The following TAOK3 variants were observed in gnomAD, a reference collection of about 807,000 sequenced individuals.
TAOK3 encodes serine/threonine-protein kinase TAO3.
A neutral mutation model predicts 120.4 loss-of-function variants in TAOK3; 40 were observed. That is an observed-to-expected ratio of 0.33 (90% CI 0.26 to 0.43). The LOEUF (loss-of-function observed/expected upper bound fraction) is 0.43. Among genes scored for constraint, TAOK3 ranks in the 20% least tolerant of loss-of-function variants. The pLI, the probability that TAOK3 is intolerant of heterozygous loss-of-function variation, is 1.00. For synonymous variants in TAOK3, 355 were observed against 387.5 expected (o/e 0.92, Z 0.99); for missense variants, 821 against 1,112.1 (o/e 0.74, Z 3.72).
At chr12:118,166,827 T>TATACACACACACACACACATACACAC (rs774334586) in intron 17 of TAOK3, among the ~76,000 whole-genome samples, 6 of 146,620 alleles carry the variant, frequency 4.1e-5, no homozygotes, top group Non-Finnish European at 6.1e-5. Context: ...TATATATATA[T>TATACACACACACACACACATACACAC]ACACACACAC....
At chr12:118,367,529 T>A (rs575742598) in intron 1 of TAOK3, among the ~76,000 whole-genome samples, 1 of 152,288 alleles carries the variant, frequency 6.6e-6, no homozygotes, top group African/African-American at 2.4e-5. Context: ...ATATCACTTA[T>A]GTTTCTTTTA....
rs191058702 is a variant in TAOK3, at chr12:118,318,447, C to T, written c.-193-51688G>A. ...CTGGGATTACAGGTGTGAGCCGCTGCGCCTGGCCACAACTCTTAAATATAG... is the reference window on the plus strand; with the variant it reads ...CTGGGATTACAGGTGTGAGCCGCTGTGCCTGGCCACAACTCTTAAATATAG... On this transcript the variant is annotated intron_variant, in intron 1 of 20. Coordinates refer to ENST00000392533, the MANE Select transcript of TAOK3 (RefSeq NM_016281.4). Among the ~76,000 whole-genome samples, 228 of 152,212 alleles carry T rather than the reference C, an allele frequency of 1.5e-3. 2 individuals carry two copies. Among genetic ancestry groups the T allele is most frequent in the South Asian group, 4.8e-3 (23 of 4,824 alleles).
At position 118,160,964 on chromosome 12, in the gene TAOK3, T is replaced by C. The variant is rs2035181011; in HGVS notation, c.2140-606A>G. Among the ~76,000 whole-genome samples, 1 of 152,246 alleles carries C rather than the reference T, an allele frequency of 6.6e-6. No individual in the cohort carries two copies. The highest frequency in any genetic ancestry group is 6.5e-5 in the Admixed American group (1 of 15,280). ...TTTTTCCCCATTAAGAGGTTGTGCT[T>C]GCATGTAGCAATATAAAATATGCAT... On this transcript the variant is annotated intron_variant, in intron 18 of 20. Coordinates refer to ENST00000392533, the MANE Select transcript of TAOK3 (RefSeq NM_016281.4). This position sits in a 1 kb window ranked among gnomAD's most constrained non-coding sequence, Gnocchi z 4.2.
chr12:118,234,534 G>A (rs1449200112), intron 8 of TAOK3, among the ~76,000 whole-genome samples: 3 of 152,166 alleles, frequency 2.0e-5, no homozygotes, highest in Admixed American at 6.5e-5. Flanking sequence ...GTGAGCCACC[G>A]CGCCTGGAGT....
chr12:118,254,781 G>A (rs138803724), intron 3 of TAOK3, among the ~76,000 whole-genome samples: 171 of 151,784 alleles, frequency 1.1e-3, no homozygotes, highest in Admixed American at 2.6e-3. Flanking sequence ...TTTTTGAGAC[G>A]GAGTCTCACT....
At chr12:118,345,532 T>C (rs983026895) in intron 1 of TAOK3, among the ~76,000 whole-genome samples, 1 of 152,088 alleles carries the variant, frequency 6.6e-6, no homozygotes, top group Non-Finnish European at 1.5e-5. Flanking sequence ...AGCCATGTGT[T>C]TGGGAAGATA....
intron 1 of TAOK3, among the ~76,000 whole-genome samples, chr12:118,268,400 GA>G (rs897572377): frequency 6.6e-6 from 1 of 152,062 alleles, no homozygotes; most frequent in African/African-American, 2.4e-5. Flanking sequence ...GAAAAAACTA[GA>G]AAAAAACTAT....
At chr12:118,251,772 T>C (rs2040762816) in intron 3 of TAOK3, among the ~76,000 whole-genome samples, 1 of 152,146 alleles carries the variant, frequency 6.6e-6, no homozygotes, top group Non-Finnish European at 1.5e-5. Context: ...CAAAGCATGC[T>C]TGGTTTATTG....
intron 12 of TAOK3, 53 bp downstream of exon 12, chr12:118,201,243 T>C (rs1320932110): frequency 4.6e-6 from 7 of 1,535,434 alleles, no homozygotes; most frequent in Non-Finnish European, 6.2e-6. Context: ...AGTCTAGAAC[T>C]TTTTCACATA....
chr12:118,291,583 C>T (rs1377340971), intron 1 of TAOK3, among the ~76,000 whole-genome samples: 1 of 152,072 alleles, frequency 6.6e-6, no homozygotes, highest in Non-Finnish European at 1.5e-5. Context: ...ACTAACCTGA[C>T]CTTTATTCCG....
At chr12:118,234,226 T>TC (rs2039918216) in intron 8 of TAOK3, among the ~76,000 whole-genome samples, 2 of 86,536 alleles carry the variant, frequency 2.3e-5, no homozygotes, top group South Asian at 8.1e-4. Flanking sequence ...TTTTTTTTTT[T>TC]TTTTTTTTTT....
chr12:118,165,659 A>C (rs1389767318), intron 17 of TAOK3, among the ~76,000 whole-genome samples: 1 of 152,210 alleles, frequency 6.6e-6, no homozygotes, highest in Non-Finnish European at 1.5e-5. Context: ...GGCTTGGGGC[A>C]AGTCTCTTAA....
At chr12:118,332,868 A>T (rs911747828) in intron 1 of TAOK3, among the ~76,000 whole-genome samples, 3 of 152,194 alleles carry the variant, frequency 2.0e-5, no homozygotes, top group African/African-American at 7.2e-5. Flanking sequence ...GACTTCAGAG[A>T]AAAGAAAATT....
intron 1 of TAOK3, among the ~76,000 whole-genome samples, chr12:118,292,958 C>T (rs556923382): frequency 2.0e-5 from 3 of 152,242 alleles, no homozygotes; most frequent in African/African-American, 7.2e-5. Context: ...AAACTCTTGC[C>T]TAATTTCTAA....
At chr12:118,216,790 G>T (rs1017912746) in intron 9 of TAOK3, among the ~76,000 whole-genome samples, 5 of 151,966 alleles carry the variant, frequency 3.3e-5, no homozygotes, top group Non-Finnish European at 5.9e-5. Context: ...TTAGCCAGGC[G>T]TGGTGGCGGG....
At chr12:118,361,794 C>A (rs572501473) in intron 1 of TAOK3, among the ~76,000 whole-genome samples, 1 of 151,908 alleles carries the variant, frequency 6.6e-6, no homozygotes, top group African/African-American at 2.4e-5. Flanking sequence ...AAAATTTCAA[C>A]TTTTATTTTA....
rs2037918213 is a variant in TAOK3, at chr12:118,199,540, C to CGTGTTGCTA, written c.988-292_988-284dup. 4 of 439,492 alleles carry CGTGTTGCTA rather than the reference C, an allele frequency of 9.1e-6. No homozygotes were observed. In the South Asian group the frequency reaches 9.5e-5, roughly 10 times the overall value. The allele number at this position is 439,492 out of a possible 1,614,324, so 27.2% of individuals were successfully genotyped here. A position where few individuals can be genotyped will look rare whatever the true frequency, so the allele number is the denominator to read the frequency against. ...CCTGTCATACACACTATCATATTAT[C>CGTGTTGCTA]GTGTTGCTATTCAGTAAGCAAAATC... On this transcript the variant is annotated intron_variant, in intron 12 of 20. Transcript: ENST00000392533.
rs1204320530 is a variant in TAOK3, at chr12:118,235,646, G to T, written c.463C>A (p.Leu155Ile). 6.2e-7 allele frequency: 1 copy of T among 1,609,922 alleles called. No homozygotes were observed. The highest frequency in any genetic ancestry group is 8.5e-7 in the Non-Finnish European group (1 of 1,178,402). ...AGTTTTACCTGACCTGGCTCTGTTA[G>T]AAGAATATTTCCTGCTTTAATATCC... ...HRDIKAGNIL[L>I]TEPGQVKLAD... is the part of the protein sequence containing the mutation. Residue 155 changes from leucine (L) to isoleucine (I), a missense_variant, in exon 8 of 21, where the codon CTA becomes ATA. By Grantham distance (5) the Leu-to-Ile change is conservative. Coordinates refer to ENST00000392533, the MANE Select transcript of TAOK3 (RefSeq NM_016281.4).
intron 1 of TAOK3, among the ~76,000 whole-genome samples, chr12:118,301,092 A>G (rs2042865173): frequency 6.6e-6 from 1 of 152,054 alleles, no homozygotes. Flanking sequence ...TAAAATTTTT[A>G]CCTCCATCAT....
Sources: gnomAD v4.1 joint callset for allele counts (sites outside exome capture counted in the v4.1 genomes callset) on GRCh38, gnomAD v4.1.1 for gene constraint, Gnocchi (gnomAD v3.1) non-coding constraint, MANE v1.5 for transcripts, NCBI Gene and HGNC (gene_info 2026-07-23, HGNC 2026-07-21) for gene names.